Variants in CACNA1I observed in about 807,000 individuals in gnomAD.
CACNA1I encodes the protein voltage-dependent T-type calcium channel subunit alpha-1I.
In CACNA1I, 74 loss-of-function variants were observed where a neutral mutation model predicts 201.6. The observed-to-expected ratio is 0.37, with a 90% CI of 0.30 to 0.45. CACNA1I has a LOEUF of 0.45. Among genes scored for constraint, CACNA1I ranks in the 20% least tolerant of loss-of-function variants. The pLI is 1.00. For synonymous variants in CACNA1I, 1,431 were observed against 1,345.2 expected (o/e 1.06, Z -1.40); for missense variants, 2,346 against 3,138.1 (o/e 0.75, Z 6.03).
In CACNA1I at chr22:39,629,929, G is replaced by A. The variant is rs190291144; in HGVS notation, c.581-4636G>A. Among the ~76,000 whole-genome samples, 25 of 152,048 alleles carry A rather than the reference G, an allele frequency of 1.6e-4. No individual in the cohort carries two copies. The highest frequency in any genetic ancestry group is 3.6e-4 in the African/African-American group (15 of 41,470). ...TCCTCTCACCCCTTCCCCAGATCAC[G>A]TCTCCCTTCTGCTCCATGACCCTTT... On this transcript the variant is annotated intron_variant, in intron 4 of 36. Transcript: ENST00000402142. This position sits in a 1 kb window ranked among gnomAD's most constrained non-coding sequence, Gnocchi z 4.8.
intron 5 of CACNA1I, among the ~76,000 whole-genome samples, chr22:39,635,871 C>T (rs778496661): frequency 2.0e-5 from 3 of 152,316 alleles, no homozygotes; most frequent in East Asian, 1.9e-4. Flanking sequence ...GGCCTTCCCT[C>T]GCCCTCCCTC....
chr22:39,673,829 A>G, intron 28 of CACNA1I, 134 bp from the exon 29 acceptor site: 2 of 735,702 alleles, frequency 2.7e-6, no homozygotes, highest in Admixed American at 2.4e-5. Flanking sequence ...GTAATGTGGT[A>G]TCTGAGAGCC....
At position 39,641,088 on chromosome 22, in the gene CACNA1I, G is replaced by T; in HGVS notation, c.962G>T (p.Arg321Leu). Residue 321 changes from arginine (R) to leucine (L), a missense_variant, in exon 6 of 37, where the codon CGT (arginine) becomes CTT (leucine). Arg to Leu is a moderately radical substitution (Grantham distance 102). This residue lies in a region of CACNA1I where 227 missense variants were observed against 412.5 expected (regional missense o/e 0.55). Transcript: ENST00000402142. ...NASGLCVNWNRYYNVCRTGSA... is the reference protein window; with the variant it reads ...NASGLCVNWNLYYNVCRTGSA... Reference sequence around the variant, plus strand: ...AGCGGCCTCTGTGTCAACTGGAACCGTTACTACAATGTGTGCCGCACGGGC... The same window carrying T: ...AGCGGCCTCTGTGTCAACTGGAACCTTTACTACAATGTGTGCCGCACGGGC... 6.2e-7 allele frequency: 1 copy of T among 1,614,036 alleles called. No individual in the cohort carries two copies. The highest frequency in any genetic ancestry group is 8.5e-7 in the Non-Finnish European group (1 of 1,179,904).
chr22:39,684,908 C>T lies in CACNA1I; in HGVS notation c.6027+410C>T, dbSNP rs1416402747. ...ATTACTAGGAATGGAGGTGGGAGGGCGGGTCTGGTGGATGAGAAGCCTCGG... is the reference window on the plus strand; with the variant it reads ...ATTACTAGGAATGGAGGTGGGAGGGTGGGTCTGGTGGATGAGAAGCCTCGG... On this transcript the variant is annotated intron_variant, in intron 36 of 36. Coordinates refer to ENST00000402142, the MANE Select transcript of CACNA1I (RefSeq NM_021096.4). This position sits in a 1 kb window ranked among gnomAD's most constrained non-coding sequence, Gnocchi z 4.6. 1.8e-5 allele frequency: 5 copies of T among 283,168 alleles called. No individual in the cohort carries two copies. Among genetic ancestry groups the T allele is most frequent in the African/African-American group, 4.4e-5 (2 of 45,542 alleles). The allele number at this position is 283,168 out of a possible 1,614,324, so 17.5% of individuals were successfully genotyped here. A position where few individuals can be genotyped will look rare whatever the true frequency, so the allele number is the denominator to read the frequency against.
rs1935900335 is a variant in CACNA1I, at chr22:39,686,717, T to G, written c.*312T>G. ...ATTTATTTTTTTTACTGAGAGCTTA[T>G]GACTTCCAGAAAGTGCTAAAGGTGG... On this transcript the variant is annotated 3_prime_UTR_variant, in exon 37 of 37. Transcript: ENST00000402142. 1 of 151,094 alleles carries G rather than the reference T, an allele frequency of 6.6e-6. No individual in the cohort carries two copies. Among genetic ancestry groups the G allele is most frequent in the African/African-American group, 2.4e-5 (1 of 41,212 alleles). The allele number at this position is 151,094 out of a possible 1,614,324, so 9.4% of individuals were successfully genotyped here. A position where few individuals can be genotyped will look rare whatever the true frequency, so the allele number is the denominator to read the frequency against.
rs150181351 is a variant in CACNA1I, at chr22:39,657,452, C to T, written c.1993-700C>T. ...CATGCAGCAGGTACATTGTGTCCAC[C>T]GTCCTTTCATGGGGCACGATGTCCC... is the stretch of plus-strand genomic sequence containing the variant. On this transcript the variant is annotated intron_variant, in intron 10 of 36. Transcript: ENST00000402142. 6.2e-3 allele frequency among the ~76,000 whole-genome samples: 937 copies of T among 152,268 alleles called. 4 individuals are homozygous for T. The highest frequency in any genetic ancestry group is 9.2e-3 in the Non-Finnish European group (623 of 68,012).
intron 1 of CACNA1I, among the ~76,000 whole-genome samples, chr22:39,576,494 A>G (rs954141079): frequency 3.3e-5 from 5 of 152,354 alleles, no homozygotes; most frequent in South Asian, 4.1e-4. Flanking sequence ...TGCCACCTGC[A>G]GAGTCTGGAG....
At chr22:39,664,529 C>T (rs545351601) in intron 20 of CACNA1I, among the ~76,000 whole-genome samples, 2 of 152,238 alleles carry the variant, frequency 1.3e-5, no homozygotes, top group Admixed American at 6.5e-5. Context: ...GCCTGCTGGG[C>T]CCTGACCCTG....
intron 7 of CACNA1I, among the ~76,000 whole-genome samples, chr22:39,644,974 C>T (rs1323597042): frequency 3.9e-5 from 6 of 152,008 alleles, no homozygotes; most frequent in African/African-American, 7.3e-5. Context: ...AGGCATGAGC[C>T]GCAGCCCCCG....
chr22:39,662,747 C>T (rs1177688104), intron 17 of CACNA1I, 29 bp from the exon 18 acceptor site: 1 of 1,484,596 alleles, frequency 6.7e-7, no homozygotes. Flanking sequence ...GCATCGCTGA[C>T]CCCCGGCGCT....
At chr22:39,612,149 T>C (rs1365226460) in intron 3 of CACNA1I, among the ~76,000 whole-genome samples, 1 of 152,074 alleles carries the variant, frequency 6.6e-6, no homozygotes, top group East Asian at 1.9e-4. Context: ...GGGATGGTTA[T>C]CGTGGGAGTG....
intron 5 of CACNA1I, among the ~76,000 whole-genome samples, chr22:39,640,301 A>T (rs1934320510): frequency 6.6e-6 from 1 of 152,164 alleles, no homozygotes; most frequent in African/African-American, 2.4e-5. Context: ...AGACAGGAGA[A>T]TTGCTTGAAC....
chr22:39,643,869 AC>A (rs1465758091), intron 7 of CACNA1I, among the ~76,000 whole-genome samples: 1 of 152,238 alleles, frequency 6.6e-6, no homozygotes, highest in East Asian at 1.9e-4. Flanking sequence ...CCCACACTGC[AC>A]CAGGCCCTGA....
At chr22:39,604,856 T>C (rs1386457575) in intron 3 of CACNA1I, among the ~76,000 whole-genome samples, 1 of 151,934 alleles carries the variant, frequency 6.6e-6, no homozygotes, top group Non-Finnish European at 1.5e-5. Context: ...GGGATACAGG[T>C]GTGAGCCACC....
In CACNA1I at chr22:39,679,008, G is replaced by A. The variant is rs116045515; in HGVS notation, c.5056-99G>A. The A allele has an allele frequency of 3.4e-3, 3,118 of 906,792 alleles. 61 individuals carry two copies. The African/African-American group carries it at 0.045, about 13-fold the overall frequency. The allele number at this position is 906,792 out of a possible 1,614,324, so 56.2% of individuals were successfully genotyped here. On this transcript the variant is annotated intron_variant, in intron 31 of 36. Coordinates refer to ENST00000402142, the MANE Select transcript of CACNA1I (RefSeq NM_021096.4). ...GGGGCCATCTCGGGGGTTGAATCTC[G>A]GTCTTGCTGCCTCCGAGCGTGGCCC...
intron 1 of CACNA1I, among the ~76,000 whole-genome samples, chr22:39,594,865 AG>A (rs1055784577): frequency 7.2e-5 from 11 of 152,164 alleles, no homozygotes; most frequent in African/African-American, 2.7e-4. Flanking sequence ...CAAGACCCCC[AG>A]TGGATGCCTG....
chr22:39,613,630 G>A (rs931036590), intron 3 of CACNA1I, among the ~76,000 whole-genome samples: 5 of 152,190 alleles, frequency 3.3e-5, no homozygotes, highest in Non-Finnish European at 5.9e-5. Flanking sequence ...TCTGACCATC[G>A]GGTAGCACTG....
At position 39,676,878 on chromosome 22, in the gene CACNA1I, T is replaced by C. The variant is rs1301455344; in HGVS notation, c.4855-463T>C. Among the ~76,000 whole-genome samples, 1 of 152,192 alleles carries C rather than the reference T, an allele frequency of 6.6e-6. No homozygotes were observed. Among genetic ancestry groups the C allele is most frequent in the African/African-American group, 2.4e-5 (1 of 41,442 alleles). On this transcript the variant is annotated intron_variant, in intron 29 of 36. Transcript: ENST00000402142. The surrounding 1 kb of genome is among the most constrained non-coding windows in gnomAD (Gnocchi z 4.8). ...CCTTCGTTCATCCATCCATTCAACC[T>C]TGGTAGCCACTCAAGGCGTGTAGCA...
chr22:39,637,664 C>T lies in CACNA1I; in HGVS notation c.740+2940C>T, dbSNP rs181122383. On this transcript the variant is annotated intron_variant, in intron 5 of 36. Transcript: ENST00000402142. ...AATAAGTGGCAGTGTACTCACTCAG[C>T]GGAATACTCACAGACATGAAAAAGA... is the stretch of plus-strand genomic sequence containing the variant. Among the ~76,000 whole-genome samples, 41 of 152,310 alleles carry T rather than the reference C, an allele frequency of 2.7e-4. 1 individual carries two copies. The highest frequency in any genetic ancestry group is 2.4e-3 in the Admixed American group (37 of 15,300).
Sources: allele counts gnomAD v4.1 joint callset (sites outside exome capture counted in the v4.1 genomes callset), GRCh38; gene constraint gnomAD v4.1.1; regional missense constraint gnomAD v4.1.1; non-coding constraint Gnocchi (gnomAD v3.1); transcripts MANE v1.5; gene names NCBI Gene and HGNC (gene_info 2026-07-23, HGNC 2026-07-21).